MAP4: variants seen among roughly 807,000 people sequenced by gnomAD.
MAP4 encodes microtubule-associated protein 4.
In MAP4, 76 loss-of-function variants were observed where a neutral mutation model predicts 170.2. The observed-to-expected ratio is 0.45, with a 90% CI of 0.37 to 0.54. MAP4 has a LOEUF of 0.54. Ranked by LOEUF, MAP4 falls within the 20% of genes least tolerant of loss-of-function variation. The pLI, the probability that MAP4 is intolerant of heterozygous loss-of-function variation, is 0.00. For synonymous variants in MAP4, 909 were observed against 994.5 expected, an observed-to-expected ratio of 0.91 and a Z score of 1.62; for missense variants, 2,506 against 2,748.0, an observed-to-expected ratio of 0.91 and a Z score of 1.97.
chr3:47,897,950 G>GGA (rs1491497294), intron 10 of MAP4, among the ~76,000 whole-genome samples: 5,563 of 134,434 alleles, frequency 0.041, 528 homozygotes, highest in African/African-American at 0.15. Context: ...TCGGGGGGGG[G>GGA]AAAAAAAAAA....
chr3:47,942,770 T>C (rs754438855), intron 3 of MAP4, among the ~76,000 whole-genome samples: 1 of 152,200 alleles, frequency 6.6e-6, no homozygotes. Flanking sequence ...TTGTTGAATC[T>C]GGAAAAATGT....
intron 1 of MAP4, among the ~76,000 whole-genome samples, chr3:48,082,702 G>A (rs2100147194): frequency 6.7e-6 from 1 of 150,248 alleles, no homozygotes; most frequent in Non-Finnish European, 1.5e-5. Context: ...GGAGGCTAAG[G>A]CACAAAAATC....
intron 3 of MAP4, among the ~76,000 whole-genome samples, chr3:47,972,128 A>G (rs1289831326): frequency 1.3e-5 from 2 of 152,244 alleles, no homozygotes; most frequent in Non-Finnish European, 2.9e-5. Flanking sequence ...TCCTTATGCT[A>G]TGCAAATTAC....
intron 12 of MAP4, among the ~76,000 whole-genome samples, chr3:47,873,739 C>T (rs2094301550): frequency 6.6e-6 from 1 of 152,152 alleles, no homozygotes; most frequent in South Asian, 2.1e-4. Context: ...CTGGGATGTG[C>T]ATCAAATTTT....
intron 1 of MAP4, among the ~76,000 whole-genome samples, chr3:48,048,506 C>CTTTT (rs67709674): frequency 1.5e-5 from 1 of 66,994 alleles, no homozygotes; most frequent in African/African-American, 6.9e-5. Flanking sequence ...TCTCAATTAT[C>CTTTT]TTTTTTTTTT....
intron 1 of MAP4, among the ~76,000 whole-genome samples, chr3:48,072,289 C>T (rs1207343203): frequency 6.6e-6 from 1 of 152,128 alleles, no homozygotes; most frequent in Admixed American, 6.5e-5. Context: ...GGGCGGATCA[C>T]TTGAGGTCAG....
At chr3:47,866,583 G>A (rs747966796) in intron 17 of MAP4, among the ~76,000 whole-genome samples, 3 of 151,280 alleles carry the variant, frequency 2.0e-5, no homozygotes, top group African/African-American at 4.9e-5. Flanking sequence ...GTGAAATCCC[G>A]TCTCTACTAA....
intron 12 of MAP4, among the ~76,000 whole-genome samples, chr3:47,874,856 A>G (rs1425385268): frequency 6.6e-6 from 1 of 152,188 alleles, no homozygotes; most frequent in Non-Finnish European, 1.5e-5. Flanking sequence ...TTAAATTAAA[A>G]ACTGACATTT....
At chr3:47,854,970 C>T (rs1469083959) in intron 19 of MAP4, among the ~76,000 whole-genome samples, 1 of 152,224 alleles carries the variant, frequency 6.6e-6, no homozygotes, top group Non-Finnish European at 1.5e-5. Context: ...GTGGCCTTCT[C>T]AAATGGCTGG....
At chr3:47,931,924 T>G (rs2100050079) in intron 3 of MAP4, 1 of 152,208 alleles carries the variant, frequency 6.6e-6, no homozygotes, top group Non-Finnish European at 1.5e-5. Flanking sequence ...CTCTTTTTAT[T>G]TTTTAAATAA....
At chr3:47,968,623 A>G (rs996338333) in intron 3 of MAP4, among the ~76,000 whole-genome samples, 2 of 152,320 alleles carry the variant, frequency 1.3e-5, no homozygotes, top group Admixed American at 6.5e-5. Flanking sequence ...ATAAACACCT[A>G]TATTAAAAGA....
At chr3:48,046,927 T>C (rs1178428449) in intron 1 of MAP4, among the ~76,000 whole-genome samples, 2 of 151,684 alleles carry the variant, frequency 1.3e-5, no homozygotes, top group Non-Finnish European at 2.9e-5. Context: ...ACCCCGTCTC[T>C]ACTAAAAATA....
intron 12 of MAP4, 115 bp downstream of exon 12, chr3:47,875,570 G>T: frequency 1.0e-6 from 1 of 986,904 alleles, no homozygotes. Flanking sequence ...CATTTCCCTT[G>T]CCTTTTCCCA....
intron 1 of MAP4, among the ~76,000 whole-genome samples, chr3:48,043,468 A>G (rs1280359710): frequency 6.6e-6 from 1 of 151,226 alleles, no homozygotes; most frequent in Non-Finnish European, 1.5e-5. Context: ...ACTGTTACCA[A>G]AAAGAGAGAT....
intron 1 of MAP4, among the ~76,000 whole-genome samples, chr3:48,066,099 G>GTA (rs2100138136): frequency 6.6e-6 from 1 of 152,064 alleles, no homozygotes; most frequent in African/African-American, 2.4e-5. Context: ...TACCTATATA[G>GTA]TATATCCGTA....
At chr3:47,854,297 G>A (rs1235667835) in intron 19 of MAP4, among the ~76,000 whole-genome samples, 5 of 152,176 alleles carry the variant, frequency 3.3e-5, no homozygotes, top group Admixed American at 6.5e-5. Context: ...GCATCCTCAC[G>A]AGGTATGGGG....
chr3:47,998,945 T>A, intron 1 of MAP4, 66 bp from the exon 2 acceptor site: 4 of 889,630 alleles, frequency 4.5e-6, no homozygotes, highest in Non-Finnish European at 5.5e-6. Context: ...TTCTAGAAAC[T>A]CTTGTCAATT....
At chr3:47,899,876 G>A (rs2100029103) in intron 10 of MAP4, among the ~76,000 whole-genome samples, 1 of 152,186 alleles carries the variant, frequency 6.6e-6, no homozygotes, top group African/African-American at 2.4e-5. Context: ...TGTGTGTCTG[G>A]GCAGAAGGTG....
At chr3:48,077,349 G>A (rs2100144439) in intron 1 of MAP4, among the ~76,000 whole-genome samples, 1 of 151,458 alleles carries the variant, frequency 6.6e-6, no homozygotes, top group Admixed American at 6.6e-5. Flanking sequence ...GCTGAGGCAG[G>A]AGAATCGAAT....
Sources: allele counts gnomAD v4.1 joint callset (sites outside exome capture counted in the v4.1 genomes callset), GRCh38; gene constraint gnomAD v4.1.1; transcripts MANE v1.5; gene names NCBI Gene and HGNC (gene_info 2026-07-23, HGNC 2026-07-21).